AGBL4: variants seen among roughly 807,000 people sequenced by gnomAD.
AGBL4 encodes cytosolic carboxypeptidase 6.
A neutral mutation model predicts 66.4 loss-of-function variants in AGBL4; 58 were observed. The ratio of observed to expected loss-of-function variants is 0.87; its 90% CI spans 0.71 to 1.09. The LOEUF (loss-of-function observed/expected upper bound fraction) is 1.09, where lower values mean the gene tolerates loss of function less well. Among genes scored for constraint, AGBL4 ranks in the 50% least tolerant of loss-of-function variants. The probability of loss-of-function intolerance (pLI) is 0.00; values close to 1 mark genes in which losing one functional copy is unlikely to be tolerated. For synonymous variants in AGBL4, 234 were observed against 222.9 expected (o/e 1.05, Z -0.44); for missense variants, 579 against 631.0 (o/e 0.92, Z 0.88).
chr1:49,391,723 G>A (rs1027276188), intron 3 of AGBL4, among the ~76,000 whole-genome samples: 3 of 151,826 alleles, frequency 2.0e-5, no homozygotes, highest in East Asian at 1.9e-4. Flanking sequence ...CACCACACCC[G>A]GCTAATTTTT....
intron 2 of AGBL4, among the ~76,000 whole-genome samples, chr1:49,801,826 A>T (rs984077236): frequency 6.6e-6 from 1 of 152,192 alleles, no homozygotes; most frequent in African/African-American, 2.4e-5. Context: ...AGTAATCCTT[A>T]TTCAAAAAAT....
At chr1:49,316,906 G>C (rs1197960789) in intron 3 of AGBL4, among the ~76,000 whole-genome samples, 1 of 151,650 alleles carries the variant, frequency 6.6e-6, no homozygotes, top group African/African-American at 2.4e-5. Context: ...TCCTTTAGAA[G>C]CACCTTAGAA....
At chr1:49,261,428 A>G (rs558276737) in intron 3 of AGBL4, among the ~76,000 whole-genome samples, 2 of 152,234 alleles carry the variant, frequency 1.3e-5, no homozygotes, top group East Asian at 3.9e-4. Flanking sequence ...TCAGCCCAAA[A>G]TCTCCTTAAG....
intron 6 of AGBL4, among the ~76,000 whole-genome samples, chr1:48,749,754 GTTC>G (rs1220945987): frequency 6.6e-6 from 1 of 152,196 alleles, no homozygotes; most frequent in African/African-American, 2.4e-5. Context: ...AACTGGACTG[GTTC>G]TTCATCTGTG....
chr1:48,737,052 G>T (rs1649174962), intron 6 of AGBL4, among the ~76,000 whole-genome samples: 1 of 152,196 alleles, frequency 6.6e-6, no homozygotes, highest in Non-Finnish European at 1.5e-5. Context: ...GGGAGGCAGA[G>T]GTGGGCGGAT....
chr1:48,661,638 C>T (rs1646109221), intron 7 of AGBL4, among the ~76,000 whole-genome samples: 1 of 152,166 alleles, frequency 6.6e-6, no homozygotes, highest in African/African-American at 2.4e-5. Context: ...TCAGAGAGCA[C>T]CTGAGATCCA....
intron 2 of AGBL4, among the ~76,000 whole-genome samples, chr1:49,716,422 G>C (rs1648141744): frequency 6.6e-6 from 1 of 151,980 alleles, no homozygotes; most frequent in Admixed American, 6.6e-5. Context: ...TTAGGATTGT[G>C]TTGGCTATGC....
intron 3 of AGBL4, among the ~76,000 whole-genome samples, chr1:49,509,824 A>G (rs1027663524): frequency 1.3e-5 from 2 of 151,870 alleles, no homozygotes; most frequent in African/African-American, 2.4e-5. Context: ...ACCTCCCACA[A>G]TGTTGTGGGA....
chr1:49,515,119 G>A (rs373912855), intron 3 of AGBL4, among the ~76,000 whole-genome samples: 21 of 151,838 alleles, frequency 1.4e-4, no homozygotes, highest in African/African-American at 4.8e-4. Flanking sequence ...AATGGGAGAA[G>A]ATTTTTGCAA....
At chr1:49,716,714 A>G (rs1405210818) in intron 2 of AGBL4, among the ~76,000 whole-genome samples, 1 of 152,152 alleles carries the variant, frequency 6.6e-6, no homozygotes, top group Non-Finnish European at 1.5e-5. Context: ...ATGGCATTCA[A>G]CAAAATTCAA....
At chr1:49,059,390 C>T (rs953107501) in intron 4 of AGBL4, among the ~76,000 whole-genome samples, 1 of 152,248 alleles carries the variant, frequency 6.6e-6, no homozygotes, top group Non-Finnish European at 1.5e-5. Flanking sequence ...GTTTGGGAAC[C>T]TCTGCCTAGA....
At chr1:49,278,432 A>G (rs1227891392) in intron 3 of AGBL4, among the ~76,000 whole-genome samples, 3 of 152,096 alleles carry the variant, frequency 2.0e-5, no homozygotes, top group Non-Finnish European at 4.4e-5. Context: ...TCCCTTTCTC[A>G]AAGCACCTGG....
intron 6 of AGBL4, among the ~76,000 whole-genome samples, chr1:48,701,161 C>T (rs1646794193): frequency 6.6e-6 from 1 of 152,136 alleles, no homozygotes; most frequent in South Asian, 2.1e-4. Context: ...GATGCTCCTC[C>T]TCAGTCCCTC....
intron 2 of AGBL4, among the ~76,000 whole-genome samples, chr1:49,835,174 T>C (rs1314402030): frequency 6.6e-6 from 1 of 152,196 alleles, no homozygotes; most frequent in Non-Finnish European, 1.5e-5. Context: ...AGTGAGGTGT[T>C]GAAGGCTCCC....
intron 2 of AGBL4, among the ~76,000 whole-genome samples, chr1:49,723,867 T>C (rs1236177434): frequency 6.6e-6 from 1 of 152,106 alleles, no homozygotes; most frequent in Non-Finnish European, 1.5e-5. Flanking sequence ...CTGAATGAAT[T>C]ATGTGCATAT....
At chr1:49,146,868 G>C (rs541760417) in intron 4 of AGBL4, among the ~76,000 whole-genome samples, 1 of 152,334 alleles carries the variant, frequency 6.6e-6, no homozygotes, top group Admixed American at 6.5e-5. Context: ...GATTATGAAG[G>C]CACAGCCTGG....
chr1:49,763,258 G>A (rs1282635922), intron 2 of AGBL4, among the ~76,000 whole-genome samples: 1 of 152,208 alleles, frequency 6.6e-6, no homozygotes, highest in Non-Finnish European at 1.5e-5. Context: ...CCAGTCCCAT[G>A]CTGTGTTAGT....
intron 3 of AGBL4, among the ~76,000 whole-genome samples, chr1:49,612,551 A>G (rs1261514153): frequency 2.0e-5 from 3 of 152,218 alleles, no homozygotes; most frequent in South Asian, 2.1e-4. Context: ...TAATAATCCA[A>G]TTAAAAAGTG....
chr1:49,875,094 G>C lies in AGBL4; in HGVS notation c.35-23576C>G, dbSNP rs141953269. Among the ~76,000 whole-genome samples, 619 of 145,484 alleles carry C rather than the reference G, an allele frequency of 4.3e-3. 3 individuals carry two copies. The highest frequency in any genetic ancestry group is 7.1e-3 in the Non-Finnish European group (468 of 66,168). ...TGTGGTATTTGGTTTTTTTGTTCTT[G>C]TGATAGTTTACTAAGAATGATGATT... On this transcript the variant is annotated intron_variant, in intron 1 of 13. Transcript: ENST00000371839.
Sources: gnomAD v4.1 joint callset for allele counts (sites outside exome capture counted in the v4.1 genomes callset) on GRCh38, gnomAD v4.1.1 for gene constraint, MANE v1.5 for transcripts, NCBI Gene and HGNC (gene_info 2026-07-23, HGNC 2026-07-21) for gene names.